Variants in RIN3 observed in about 807,000 individuals in gnomAD.
RIN3 encodes the protein Ras and Rab interactor 3.
A neutral mutation model predicts 76.3 loss-of-function variants in RIN3; 54 were observed. The ratio of observed to expected loss-of-function variants is 0.71; its 90% CI spans 0.57 to 0.89. RIN3 has a LOEUF of 0.89. RIN3 is among the 40% of genes least tolerant of loss of function. RIN3 has a pLI of 0.00. For synonymous variants in RIN3, 576 were observed against 564.0 expected, an observed-to-expected ratio of 1.02 and a Z score of -0.30; for missense variants, 1,256 against 1,322.1, an observed-to-expected ratio of 0.95 and a Z score of 0.78.
intron 1 of RIN3, among the ~76,000 whole-genome samples, chr14:92,524,394 C>T (rs1342671712): frequency 6.6e-6 from 1 of 152,152 alleles, no homozygotes; most frequent in Non-Finnish European, 1.5e-5. Context: ...CTTCAGTGGC[C>T]ACTTCACCTC....
rs1430308970 is a variant in RIN3 at position 92,688,153 on chromosome 14, G to A, written c.2859G>A (p.Lys953=). 6.2e-7 allele frequency: 1 copy of A among 1,610,300 alleles called. No individual in the cohort carries two copies. Among genetic ancestry groups the A allele is most frequent in the Non-Finnish European group, 8.5e-7 (1 of 1,178,894 alleles). The change falls in exon 10 of 10, where the codon AAG becomes AAA. Residue 953 remains lysine, a synonymous_variant. Transcript: ENST00000216487. ...IKGYLLRSEP[K]RDFHFVYRPL... is the part of the protein sequence containing the mutation. ...GCTACCTGCTGCGCAGCGAGCCCAAGCGCGACTTCCACTTTGTCTACCGGC... is the reference window on the plus strand; with the variant it reads ...GCTACCTGCTGCGCAGCGAGCCCAAACGCGACTTCCACTTTGTCTACCGGC...
At chr14:92,552,799 A>G (rs1170072265) in intron 1 of RIN3, among the ~76,000 whole-genome samples, 2 of 151,862 alleles carry the variant, frequency 1.3e-5, no homozygotes, top group East Asian at 3.9e-4. Context: ...AACATCCTCT[A>G]GTCACCTATT....
chr14:92,648,634 C>T lies in RIN3; in HGVS notation c.533-2948C>T, dbSNP rs1320054730. ...GTGCCAAGGGGCTGACACTGGGCCC[C>T]TGCTCTGGGCCAAGCACTGTCTCAG... is the stretch of plus-strand genomic sequence containing the variant. On this transcript the variant is annotated intron_variant, in intron 5 of 9. Transcript: ENST00000216487. The surrounding 1 kb of genome is among the most constrained non-coding windows in gnomAD (Gnocchi z 4.1). Among the ~76,000 whole-genome samples, 1 of 152,252 alleles carries T rather than the reference C, an allele frequency of 6.6e-6. No homozygotes were observed. Among genetic ancestry groups the T allele is most frequent in the Non-Finnish European group, 1.5e-5 (1 of 68,042 alleles).
chr14:92,555,173 T>C (rs1306625202), intron 1 of RIN3, among the ~76,000 whole-genome samples: 1 of 152,192 alleles, frequency 6.6e-6, no homozygotes, highest in Non-Finnish European at 1.5e-5. Flanking sequence ...CATTTCACTG[T>C]GTGTGTTACT....
At chr14:92,606,072 G>A (rs948284975) in intron 3 of RIN3, among the ~76,000 whole-genome samples, 1 of 149,758 alleles carries the variant, frequency 6.7e-6, no homozygotes, top group Admixed American at 6.7e-5. Context: ...TTGGGAGGCT[G>A]CAGTGAGAGC....
intron 1 of RIN3, among the ~76,000 whole-genome samples, chr14:92,545,970 G>T (rs563691066): frequency 2.0e-5 from 3 of 151,146 alleles, no homozygotes; most frequent in African/African-American, 7.3e-5. Context: ...TTGTCCCCCA[G>T]GCCGGAGTGC....
chr14:92,674,358 G>C (rs1377007991), intron 7 of RIN3, among the ~76,000 whole-genome samples: 2 of 152,172 alleles, frequency 1.3e-5, no homozygotes, highest in Non-Finnish European at 2.9e-5. Flanking sequence ...ATTGTTACAA[G>C]GACAGATGTG....
intron 3 of RIN3, among the ~76,000 whole-genome samples, chr14:92,614,562 A>G (rs1478682148): frequency 6.6e-6 from 1 of 152,026 alleles, no homozygotes; most frequent in Non-Finnish European, 1.5e-5. Flanking sequence ...AGCTCCCATA[A>G]TTCCCACGAG....
intron 1 of RIN3, among the ~76,000 whole-genome samples, chr14:92,535,537 G>A (rs760853664): frequency 2.6e-5 from 4 of 151,742 alleles, no homozygotes; most frequent in African/African-American, 4.8e-5. Flanking sequence ...GGGTGTGTGC[G>A]TGCACGCACG....
intron 1 of RIN3, among the ~76,000 whole-genome samples, chr14:92,552,697 C>A (rs1201137368): frequency 2.0e-5 from 3 of 152,120 alleles, no homozygotes; most frequent in African/African-American, 7.2e-5. Flanking sequence ...TCCACAGTCA[C>A]CTTTTCCGGG....
chr14:92,679,669 T>C (rs1888596586), intron 8 of RIN3, among the ~76,000 whole-genome samples: 1 of 152,132 alleles, frequency 6.6e-6, no homozygotes, highest in Admixed American at 6.5e-5. Flanking sequence ...AGGTACCTGA[T>C]CACCTCAACC....
At chr14:92,540,011 G>T (rs1263014801) in intron 1 of RIN3, among the ~76,000 whole-genome samples, 6 of 152,228 alleles carry the variant, frequency 3.9e-5, no homozygotes, top group Admixed American at 3.9e-4. Flanking sequence ...TGGGCAGGTG[G>T]AGCCCAGTAG....
chr14:92,677,111 G>C (rs143416179), intron 8 of RIN3, among the ~76,000 whole-genome samples: 21 of 152,118 alleles, frequency 1.4e-4, no homozygotes, highest in Non-Finnish European at 2.6e-4. Context: ...AGGGACTCTC[G>C]GCCCCTTGCT....
chr14:92,633,104 C>T (rs1300886292), intron 4 of RIN3, among the ~76,000 whole-genome samples: 1 of 152,168 alleles, frequency 6.6e-6, no homozygotes, highest in African/African-American at 2.4e-5. Context: ...CTGCCCCAGG[C>T]AATGGCTAGG....
intron 1 of RIN3, 94 bp from the exon 2 acceptor site, chr14:92,555,657 G>A: frequency 1.7e-6 from 2 of 1,207,800 alleles, no homozygotes; most frequent in Non-Finnish European, 2.4e-6. Flanking sequence ...ACCTCATGCT[G>A]AATAAGTAAG....
chr14:92,654,540 G>T (rs944623591), intron 6 of RIN3, among the ~76,000 whole-genome samples: 4 of 152,280 alleles, frequency 2.6e-5, no homozygotes, highest in African/African-American at 9.6e-5. Context: ...CAGTAGCTTC[G>T]TAGCGAATGT....
intron 7 of RIN3, among the ~76,000 whole-genome samples, chr14:92,664,332 C>A (rs1463129860): frequency 6.6e-6 from 1 of 151,616 alleles, no homozygotes; most frequent in Non-Finnish European, 1.5e-5. Context: ...AACATTCAAC[C>A]CCCTCCGCTT....
Position 92,610,626 on chromosome 14 carries a change from G to A in RIN3, c.368-4781G>A, listed in dbSNP as rs1315966628. On this transcript the variant is annotated intron_variant, in intron 3 of 9. Coordinates refer to ENST00000216487, the MANE Select transcript of RIN3 (RefSeq NM_024832.5). Reference sequence around the variant, plus strand: ...GTGTGGCTTTCTGATGGGAGAGGGTGGAATCCCTGGGAAACAAAGACTTTG... The same window carrying A: ...GTGTGGCTTTCTGATGGGAGAGGGTAGAATCCCTGGGAAACAAAGACTTTG... Among the ~76,000 whole-genome samples the A allele has an allele frequency of 2.6e-5, 4 of 152,178 alleles. No homozygotes were observed. In the East Asian group the frequency reaches 5.8e-4, roughly 22 times the overall value.
Position 92,577,450 on chromosome 14 carries a change from G to A in RIN3, c.340G>A (p.Glu114Lys), listed in dbSNP as rs139542247. The change falls in exon 3 of 10, where the codon GAA (glutamate) becomes AAA (lysine). Residue 114 changes from glutamate to lysine, a missense_variant. By Grantham distance (56) the Glu-to-Lys change is moderately conservative. Around this residue, in one of 3 missense-constraint regions of RIN3, gnomAD observed 610 missense variants for 626.4 expected, o/e 0.97. Coordinates refer to ENST00000216487, the MANE Select transcript of RIN3 (RefSeq NM_024832.5). ...GAACGAAAGCTCGGCCGAGGTGCTC[G>A]AATACACCATTAAGGAAGAAAAGTC... Reference protein sequence around the residue: ...SLNESSAEVLEYTIKEEKSIL... With the variant: ...SLNESSAEVLKYTIKEEKSIL... 3.0e-5 allele frequency: 48 copies of A among 1,612,720 alleles called. No individual in the cohort carries two copies. In the African/African-American group the frequency reaches 3.1e-4, roughly 10 times the overall value.
Sources: allele counts gnomAD v4.1 joint callset (sites outside exome capture counted in the v4.1 genomes callset), GRCh38; gene constraint gnomAD v4.1.1; regional missense constraint gnomAD v4.1.1; non-coding constraint Gnocchi (gnomAD v3.1); transcripts MANE v1.5; gene names NCBI Gene and HGNC (gene_info 2026-07-23, HGNC 2026-07-21).